Variants in WDFY3 observed in about 807,000 individuals in gnomAD.
WDFY3 encodes the protein WD repeat and FYVE domain-containing protein 3.
A neutral mutation model predicts 409.6 loss-of-function variants in WDFY3; 66 were observed. The observed-to-expected ratio is 0.16, with a 90% CI of 0.13 to 0.20. The LOEUF (loss-of-function observed/expected upper bound fraction) is 0.20, where lower values mean the gene tolerates loss of function less well. Ranked by LOEUF, WDFY3 falls within the 10% of genes least tolerant of loss-of-function variation. The pLI is 1.00. For missense variants in WDFY3, 3,031 were observed against 4,298.1 expected (o/e 0.71, Z 8.24); for synonymous variants, 1,521 against 1,537.1 (o/e 0.99, Z 0.25).
At chr4:84,838,270 C>G (rs756947271) in intron 6 of WDFY3, among the ~76,000 whole-genome samples, 1 of 152,150 alleles carries the variant, frequency 6.6e-6, no homozygotes, top group Non-Finnish European at 1.5e-5. Flanking sequence ...AAGTCAACCC[C>G]ATGACTTCAT....
At chr4:84,877,592 C>A (rs938596303) in intron 3 of WDFY3, among the ~76,000 whole-genome samples, 4 of 152,200 alleles carry the variant, frequency 2.6e-5, no homozygotes, top group African/African-American at 9.7e-5. Flanking sequence ...AGCCACTGTG[C>A]CTGGCTGAAA....
intron 32 of WDFY3, among the ~76,000 whole-genome samples, chr4:84,758,513 A>C (rs1398519233): frequency 2.6e-5 from 4 of 152,154 alleles, no homozygotes; most frequent in African/African-American, 9.7e-5. Flanking sequence ...CTCCCAAAGC[A>C]CTAAGATTAC....
At chr4:84,915,136 G>C (rs1045165939) in intron 2 of WDFY3, among the ~76,000 whole-genome samples, 1 of 152,116 alleles carries the variant, frequency 6.6e-6, no homozygotes, top group African/African-American at 2.4e-5. Flanking sequence ...AATTCATAGA[G>C]ACAGAAAACA....
chr4:84,756,997 C>T lies in WDFY3; in HGVS notation c.5353G>A (p.Val1785Ile). Reference sequence around the variant, plus strand: ...TGCAGGTTCTCAGGCAGCTCACTAACTGGCTGCTGCAGAAACAAGGCCATG... The same window carrying T: ...TGCAGGTTCTCAGGCAGCTCACTAATTGGCTGCTGCAGAAACAAGGCCATG... ...LLMALFLQQPVSELPENLQVS... is the reference protein window; with the variant it reads ...LLMALFLQQPISELPENLQVS... The change falls in exon 33 of 68, where the codon GTT (valine) becomes ATT (isoleucine). Residue 1785 changes from valine to isoleucine, a missense_variant. Around this residue, in one of 16 missense-constraint regions of WDFY3, gnomAD observed 342 missense variants for 463.7 expected, o/e 0.74. Coordinates refer to ENST00000295888, the MANE Select transcript of WDFY3 (RefSeq NM_014991.6). The T allele has an allele frequency of 6.2e-7, 1 of 1,614,086 alleles. No individual in the cohort carries two copies. Among genetic ancestry groups the T allele is most frequent in the African/African-American group, 1.3e-5 (1 of 75,034 alleles).
intron 23 of WDFY3, among the ~76,000 whole-genome samples, chr4:84,787,166 C>T (rs1228216994): frequency 2.0e-5 from 3 of 152,110 alleles, no homozygotes; most frequent in Non-Finnish European, 4.4e-5. Context: ...CTTTAAACTG[C>T]TTCATGTAAT....
chr4:84,792,233 A>T (rs1011532406), intron 21 of WDFY3, among the ~76,000 whole-genome samples: 8 of 152,368 alleles, frequency 5.3e-5, no homozygotes, highest in African/African-American at 1.9e-4. Flanking sequence ...TGTTGATAAG[A>T]CTATTACACA....
rs768134976 is a variant in WDFY3 at position 84,801,715 on chromosome 4, C to T, written c.2757G>A (p.Leu919=). 22 of 1,612,212 alleles carry T rather than the reference C, an allele frequency of 1.4e-5. No individual in the cohort carries two copies. Among genetic ancestry groups the T allele is most frequent in the Non-Finnish European group, 1.7e-5 (20 of 1,179,630 alleles). ...CAAACATCCGCTGCAGGGGCGGGTG[C>T]AGTGAGTGGTCCTCATCAGCCAATG... The part of the protein sequence containing the change: ...SAALADEDHS[L]HPPLQRMFER... Residue 919 remains leucine, a synonymous_variant, in exon 17 of 68, where the codon CTG becomes CTA. Transcript: ENST00000295888.
At chr4:84,825,900 G>A (rs968693641) in intron 10 of WDFY3, among the ~76,000 whole-genome samples, 1 of 152,052 alleles carries the variant, frequency 6.6e-6, no homozygotes, top group Non-Finnish European at 1.5e-5. Flanking sequence ...ACTTTGAAAT[G>A]ATTACTGTGC....
intron 38 of WDFY3, among the ~76,000 whole-genome samples, chr4:84,741,316 G>GTT (rs879900100): frequency 3.4e-4 from 48 of 140,530 alleles, no homozygotes; most frequent in Admixed American, 4.3e-4. Flanking sequence ...TCTCTATTCA[G>GTT]TTTTTTTTTT....
At chr4:84,907,360 C>T (rs1471800404) in intron 2 of WDFY3, among the ~76,000 whole-genome samples, 1 of 152,172 alleles carries the variant, frequency 6.6e-6, no homozygotes, top group Non-Finnish European at 1.5e-5. Context: ...TCTCAGATTA[C>T]TTGCCCTGAA....
At chr4:84,865,140 C>T (rs369267877) in intron 3 of WDFY3, among the ~76,000 whole-genome samples, 18 of 152,078 alleles carry the variant, frequency 1.2e-4, no homozygotes, top group African/African-American at 4.1e-4. Context: ...CTGCCTGCCT[C>T]GGCCTCCCAA....
chr4:84,960,761 A>G (rs1005634642), intron 1 of WDFY3, among the ~76,000 whole-genome samples: 1 of 152,168 alleles, frequency 6.6e-6, no homozygotes, highest in African/African-American at 2.4e-5. Context: ...TACAGATATG[A>G]GCCACTGCAA....
rs1752235054 is a variant in WDFY3, at chr4:84,810,080, C to T, written c.2152G>A (p.Ala718Thr). The change falls in exon 14 of 68, where the codon GCT (alanine) becomes ACT (threonine). Residue 718 changes from alanine (A) to threonine (T), a missense_variant. Ala to Thr is a moderately conservative substitution (Grantham distance 58). Coordinates refer to ENST00000295888, the MANE Select transcript of WDFY3 (RefSeq NM_014991.6). Reference protein sequence around the residue: ...TEIQYEKLADAVRFLGCFSDL... With the variant: ...TEIQYEKLADTVRFLGCFSDL... ...GAGAAGCAGCCAAGAAATCGAACAG[C>T]ATCTGCCAACTTCTCATACTGAATC... 6.2e-7 allele frequency: 1 copy of T among 1,614,062 alleles called. No individual in the cohort carries two copies. Among genetic ancestry groups the T allele is most frequent in the African/African-American group, 1.3e-5 (1 of 74,932 alleles).
At chr4:84,857,513 T>C (rs1251313091) in intron 4 of WDFY3, among the ~76,000 whole-genome samples, 3 of 152,170 alleles carry the variant, frequency 2.0e-5, no homozygotes, top group Non-Finnish European at 2.9e-5. Context: ...AACTCCTCAG[T>C]AGCCAACAGC....
chr4:84,691,803 T>C lies in WDFY3; in HGVS notation c.9050-18A>G, dbSNP rs368927734. 20 of 1,603,382 alleles carry C rather than the reference T, an allele frequency of 1.2e-5. No individual in the cohort carries two copies. The highest frequency in any genetic ancestry group is 1.7e-4 in the Middle Eastern group (1 of 6,022). Reference sequence around the variant, plus strand: ...TTTGAGTTCTAGAAAAAAGAAATCATGGTATTAGGACAGGAACAGGAAAAA... The same window carrying C: ...TTTGAGTTCTAGAAAAAAGAAATCACGGTATTAGGACAGGAACAGGAAAAA... On this transcript the variant is annotated intron_variant, in intron 59 of 67. Transcript: ENST00000295888.
intron 6 of WDFY3, among the ~76,000 whole-genome samples, chr4:84,840,427 A>G (rs1757162886): frequency 6.6e-6 from 1 of 152,172 alleles, no homozygotes; most frequent in South Asian, 2.1e-4. Flanking sequence ...ACCTTAGATA[A>G]AGAGTGATTT....
At chr4:84,803,094 T>C (rs1750903543) in intron 16 of WDFY3, among the ~76,000 whole-genome samples, 196 bp downstream of exon 16, 1 of 152,226 alleles carries the variant, frequency 6.6e-6, no homozygotes, top group Non-Finnish European at 1.5e-5. Flanking sequence ...ATGAATGAAT[T>C]AGATTCTAAA....
intron 36 of WDFY3, among the ~76,000 whole-genome samples, chr4:84,748,500 T>C (rs1483213974): frequency 6.6e-6 from 1 of 152,160 alleles, no homozygotes; most frequent in Non-Finnish European, 1.5e-5. Context: ...TATCATTCTC[T>C]AGAGAATGAA....
intron 10 of WDFY3, among the ~76,000 whole-genome samples, chr4:84,826,133 A>G (rs1475076214): frequency 6.6e-6 from 1 of 152,174 alleles, no homozygotes; most frequent in East Asian, 1.9e-4. Context: ...TGGGTTCTGC[A>G]TCTGTGGATT....
Sources: gnomAD v4.1 joint callset for allele counts (sites outside exome capture counted in the v4.1 genomes callset) on GRCh38, gnomAD v4.1.1 for gene constraint, gnomAD v4.1.1 regional missense constraint, MANE v1.5 for transcripts, NCBI Gene and HGNC (gene_info 2026-07-23, HGNC 2026-07-21) for gene names.